AHCTF1: variants seen among roughly 807,000 people sequenced by gnomAD.
The protein encoded by AHCTF1 is AT-hook containing transcription factor 1, also known as protein ELYS.
In AHCTF1, 24 loss-of-function variants were observed where a neutral mutation model predicts 248.4. The ratio of observed to expected loss-of-function variants is 0.10; its 90% CI spans 0.07 to 0.14. The LOEUF is 0.14. AHCTF1 is among the 10% of genes least tolerant of loss of function. AHCTF1 has a pLI of 1.00. For missense variants in AHCTF1, 2,206 were observed against 2,636.2 expected, an observed-to-expected ratio of 0.84 and a Z score of 3.57; for synonymous variants, 786 against 929.8, an observed-to-expected ratio of 0.85 and a Z score of 2.81.
intron 20 of AHCTF1, among the ~76,000 whole-genome samples, chr1:246,886,745 TG>T: frequency 6.6e-6 from 1 of 152,330 alleles, no homozygotes; most frequent in African/African-American, 2.4e-5. Flanking sequence ...CTGTAAATTT[TG>T]GTATGTTTCT....
Position 246,863,979 on chromosome 1 carries a change from T to C in AHCTF1, c.3485A>G (p.Gln1162Arg). ...PSSSQLKGSP[Q>R]AISRASELHL... is the part of the protein sequence containing the mutation. ...TAATTCTGAAGCCCTGGAGATGGCC[T>C]GAGGCGATCCTTTTAATTGCGAACT... The change falls in exon 27 of 36, where the codon CAG (glutamine) becomes CGG (arginine). Residue 1162 changes from glutamine to arginine, a missense_variant. By Grantham distance (43) the Gln-to-Arg change is conservative. Coordinates refer to ENST00000648844, the MANE Select transcript of AHCTF1 (RefSeq NM_001323342.2). 6.2e-7 allele frequency: 1 copy of C among 1,614,140 alleles called. No individual in the cohort carries two copies. Among genetic ancestry groups the C allele is most frequent in the African/African-American group, 1.3e-5 (1 of 75,052 alleles).
At position 246,850,875 on chromosome 1, in the gene AHCTF1, C is replaced by T. The variant is rs763222353; in HGVS notation, c.5131G>A (p.Val1711Ile). The T allele has an allele frequency of 2.5e-6, 4 of 1,613,798 alleles. No homozygotes were observed. In the African/African-American group the frequency reaches 4.0e-5, roughly 16 times the overall value. ...SQNIMCPTKL[V>I]KSAFKTAQET... ...TGAGCAGTCTTAAATGCAGATTTGA[C>T]CAATTTAGTGGGACACATTATGTTT... is the stretch of plus-strand genomic sequence containing the variant. Residue 1711 changes from valine (V) to isoleucine (I), a missense_variant, in exon 33 of 36, where the codon GTC becomes ATC. Val to Ile is a conservative substitution (Grantham distance 29, BLOSUM62 3). Transcript: ENST00000648844.
intron 6 of AHCTF1, among the ~76,000 whole-genome samples, chr1:246,904,795 A>G (rs1236987280): frequency 6.6e-6 from 1 of 152,138 alleles, no homozygotes; most frequent in Non-Finnish European, 1.5e-5. Context: ...AATAATTCCT[A>G]TTACTAGTTC....
chr1:246,868,613 A>T, intron 24 of AHCTF1, among the ~76,000 whole-genome samples: 1 of 66,610 alleles, frequency 1.5e-5, no homozygotes, highest in African/African-American at 1.0e-4. Context: ...GTAAGTGGTA[A>T]AAAAAAAAAA....
At chr1:246,869,052 G>T (rs374435402) in intron 24 of AHCTF1, among the ~76,000 whole-genome samples, 20 of 151,660 alleles carry the variant, frequency 1.3e-4, no homozygotes, top group Admixed American at 4.6e-4. Context: ...CACCATGTTG[G>T]CCAGGATGGT....
At chr1:246,883,935 G>A (rs1663633126) in intron 21 of AHCTF1, among the ~76,000 whole-genome samples, 1 of 152,038 alleles carries the variant, frequency 6.6e-6, no homozygotes, top group Non-Finnish European at 1.5e-5. Flanking sequence ...AAGGACACCT[G>A]GAATCAAAAG....
rs569666018 is a variant in AHCTF1, at chr1:246,929,780, G to A, written c.-8+1798C>T. Among the ~76,000 whole-genome samples, 472 of 152,362 alleles carry A rather than the reference G, an allele frequency of 3.1e-3. 4 individuals carry two copies. The highest frequency in any genetic ancestry group is 0.01 in the African/African-American group (423 of 41,578). On this transcript the variant is annotated intron_variant, in intron 1 of 35. Transcript: ENST00000648844. ...TAAAATATATCTGTACCAGCCGGGC[G>A]CGGTGGCTCACGCCTGTAATCCCAG...
At chr1:246,888,947 A>G (rs536583600) in intron 17 of AHCTF1, among the ~76,000 whole-genome samples, 3 of 152,298 alleles carry the variant, frequency 2.0e-5, no homozygotes, top group African/African-American at 7.2e-5. Flanking sequence ...CCTAGTTAGC[A>G]TGATGAGAAC....
At chr1:246,909,805 C>A (rs551899529) in intron 4 of AHCTF1, among the ~76,000 whole-genome samples, 1 of 152,306 alleles carries the variant, frequency 6.6e-6, no homozygotes, top group South Asian at 2.1e-4. Flanking sequence ...AACTACCCTG[C>A]AGAGGGCTAT....
At chr1:246,846,914 A>C (rs895818207) in intron 33 of AHCTF1, among the ~76,000 whole-genome samples, 1 of 151,824 alleles carries the variant, frequency 6.6e-6, no homozygotes, top group African/African-American at 2.4e-5. Flanking sequence ...CCACATGCCC[A>C]AATCATTAAA....
At position 246,853,177 on chromosome 1, in the gene AHCTF1, C is replaced by T. The variant is rs1660842031; in HGVS notation, c.4477G>A (p.Glu1493Lys). The T allele has an allele frequency of 6.2e-7, 1 of 1,612,890 alleles. No individual in the cohort carries two copies. Among genetic ancestry groups the T allele is most frequent in the African/African-American group, 1.3e-5 (1 of 74,888 alleles). The change falls in exon 32 of 36, where the codon GAA (glutamate) becomes AAA (lysine). Residue 1493 changes from glutamate (E) to lysine (K), a missense_variant. Coordinates refer to ENST00000648844, the MANE Select transcript of AHCTF1 (RefSeq NM_001323342.2). ...ACACTTTCTTTTAGTACACCAACTT[C>T]TACTTCATGATCTTCTTTTAAGTTC... Reference protein sequence around the residue: ...ALNLKEDHEVEVGVLKESVDL... With the variant: ...ALNLKEDHEVKVGVLKESVDL...
chr1:246,899,226 T>C (rs534082934), intron 11 of AHCTF1, among the ~76,000 whole-genome samples: 2 of 152,272 alleles, frequency 1.3e-5, no homozygotes, highest in Non-Finnish European at 1.5e-5. Context: ...GAGGTTCACG[T>C]AGCTAGCATC....
intron 1 of AHCTF1, among the ~76,000 whole-genome samples, chr1:246,922,935 A>G (rs1666663560): frequency 7.0e-6 from 1 of 142,248 alleles, no homozygotes; most frequent in African/African-American, 2.6e-5. Flanking sequence ...GTGAGCCGAG[A>G]TTGCACCACT....
intron 21 of AHCTF1, among the ~76,000 whole-genome samples, chr1:246,878,396 C>CAAAAAAAAAAAAAAAA (rs1199465751): frequency 1.3e-4 from 4 of 30,776 alleles, no homozygotes; most frequent in Non-Finnish European, 2.3e-4. Context: ...GATTCTGTCT[C>CAAAAAAAAAAAAAAAA]AAAAAAAAAA....
intron 23 of AHCTF1, 97 bp from the exon 24 acceptor site, chr1:246,876,284 A>G (rs1463977007): frequency 9.0e-7 from 1 of 1,109,866 alleles, no homozygotes; most frequent in African/African-American, 1.6e-5. Context: ...GAATATCCAA[A>G]AAATCTTCCC....
chr1:246,864,173 T>C, intron 26 of AHCTF1, 57 bp from the exon 27 acceptor site: 2 of 1,521,726 alleles, frequency 1.3e-6, no homozygotes, highest in Non-Finnish European at 1.8e-6. Context: ...GAATTTAGTA[T>C]CCCATTTAAT....
rs1435330464 is a variant in AHCTF1, at chr1:246,887,428, T to C, written c.2326-71A>G. 4 of 1,431,980 alleles carry C rather than the reference T, an allele frequency of 2.8e-6. No homozygotes were observed. In the East Asian group the frequency reaches 9.4e-5, roughly 34 times the overall value. 88.7% of individuals were successfully genotyped at this position (1,431,980 alleles called of 1,614,324 possible). On this transcript the variant is annotated intron_variant, in intron 19 of 35. Transcript: ENST00000648844. The stretch of plus-strand genomic sequence containing the variant: ...CTCCTACGTATATATTTACAATAGG[T>C]AGCAACAAAATGTAGCATTAAAAGA...
chr1:246,856,179 T>C (rs56869109), intron 30 of AHCTF1, among the ~76,000 whole-genome samples: 72 of 152,360 alleles, frequency 4.7e-4, no homozygotes, highest in African/African-American at 1.7e-3. Flanking sequence ...TCTGGAATAT[T>C]TTCTATGAAC....
chr1:246,890,089 G>A, intron 16 of AHCTF1, 30 bp from the exon 17 acceptor site: 1 of 1,469,870 alleles, frequency 6.8e-7, no homozygotes, highest in Non-Finnish European at 9.5e-7. Flanking sequence ...AAAAAAAGCT[G>A]GTAATAATCC....
Sources: gnomAD v4.1 joint callset for allele counts (sites outside exome capture counted in the v4.1 genomes callset) on GRCh38, gnomAD v4.1.1 for gene constraint, MANE v1.5 for transcripts, NCBI Gene and HGNC (gene_info 2026-07-23, HGNC 2026-07-21) for gene names.